Variants in IQSEC3 observed in about 807,000 individuals in gnomAD.
IQSEC3 encodes IQ motif and Sec7 domain ArfGEF 3, also known as IQ motif and SEC7 domain-containing protein 3.
Under a neutral mutation model 105.4 loss-of-function variants are expected in IQSEC3, and 50 were observed. The observed-to-expected ratio is 0.47, with a 90% CI of 0.38 to 0.60. The LOEUF (loss-of-function observed/expected upper bound fraction) is 0.60. Among genes scored for constraint, IQSEC3 ranks in the 20% least tolerant of loss-of-function variants. The probability of loss-of-function intolerance (pLI) is 0.00; values close to 1 mark genes in which losing one functional copy is unlikely to be tolerated. For missense variants in IQSEC3, 1,415 were observed against 1,630.0 expected (o/e 0.87, Z 2.27); for synonymous variants, 708 against 746.0 (o/e 0.95, Z 0.83).
Position 152,964 on chromosome 12 carries a change from G to A in IQSEC3, c.2154-4061G>A, listed in dbSNP as rs917423647. On this transcript the variant is annotated intron_variant, in intron 5 of 13. Transcript: ENST00000538872. This position sits in a 1 kb window ranked among gnomAD's most constrained non-coding sequence, Gnocchi z 4.8. ...GGGTGGAGGCTGCAGCATGGATTTG[G>A]TAAACTGCCCACACTCAGCTCCCCA... 9.2e-5 allele frequency among the ~76,000 whole-genome samples: 14 copies of A among 152,268 alleles called. No individual in the cohort carries two copies. The highest frequency in any genetic ancestry group is 2.9e-4 in the African/African-American group (12 of 41,538).
At chr12:171,579 G>C in intron 13 of IQSEC3, 1 of 574,088 alleles carries the variant, frequency 1.7e-6, no homozygotes, top group South Asian at 2.2e-5. Context: ...TCCATAGCGG[G>C]GAGCCTGGGC....
intron 5 of IQSEC3, among the ~76,000 whole-genome samples, chr12:156,097 C>T (rs1203584277): frequency 6.6e-6 from 1 of 152,162 alleles, no homozygotes; most frequent in African/African-American, 2.4e-5. Context: ...TGCAGAGTCC[C>T]CTGGATCGGG....
chr12:174,400 C>T (rs1939159947), intron 13 of IQSEC3, among the ~76,000 whole-genome samples, 199 bp from the exon 14 acceptor site: 1 of 152,124 alleles, frequency 6.6e-6, no homozygotes, highest in South Asian at 2.1e-4. Flanking sequence ...CAGAACATGC[C>T]AGCCTCTCGA....
At chr12:156,897 G>A (rs1188593281) in intron 5 of IQSEC3, 128 bp from the exon 6 acceptor site, 13 of 1,178,122 alleles carry the variant, frequency 1.1e-5, no homozygotes, top group East Asian at 3.1e-5. Flanking sequence ...ATTAAAGGGC[G>A]ACCCCCGGGG....
Position 138,667 on chromosome 12 carries a change from A to G in IQSEC3, c.1304A>G (p.Gln435Arg). ...TCCCTGCGGGAGAGTGGCGCTTACC[A>G]GCTCCACCAGGCCCTGCAGGCGGCC... ...MCSLRESGAY[Q>R]LHQALQAAAG... Residue 435 changes from glutamine (Q) to arginine (R), a missense_variant, in exon 4 of 14, where the codon CAG (glutamine) becomes CGG (arginine). Coordinates refer to ENST00000538872, the MANE Select transcript of IQSEC3 (RefSeq NM_001170738.2). This position sits in a 1 kb window ranked among gnomAD's most constrained non-coding sequence, Gnocchi z 7.1. 1.3e-6 allele frequency: 2 copies of G among 1,561,348 alleles called. No individual in the cohort carries two copies. The highest frequency in any genetic ancestry group is 1.7e-6 in the Non-Finnish European group (2 of 1,161,352).
At position 152,013 on chromosome 12, in the gene IQSEC3, G is replaced by C. The variant is rs552754887; in HGVS notation, c.2154-5012G>C. The stretch of plus-strand genomic sequence containing the variant: ...AGAACTCATCATGACTATAGGTAAA[G>C]AATTATTTTTGACTCTGTGTTCAAT... On this transcript the variant is annotated intron_variant, in intron 5 of 13. Coordinates refer to ENST00000538872, the MANE Select transcript of IQSEC3 (RefSeq NM_001170738.2). The surrounding 1 kb of genome is among the most constrained non-coding windows in gnomAD (Gnocchi z 4.8). 6.6e-6 allele frequency among the ~76,000 whole-genome samples: 1 copy of C among 152,206 alleles called. No individual in the cohort carries two copies. The highest frequency in any genetic ancestry group is 1.9e-4 in the East Asian group (1 of 5,172).
At chr12:109,806 T>C (rs1270488172) in intron 2 of IQSEC3, among the ~76,000 whole-genome samples, 1 of 152,226 alleles carries the variant, frequency 6.6e-6, no homozygotes, top group African/African-American at 2.4e-5. Context: ...CTTTGGTGTC[T>C]CTCTTTGATC....
intron 2 of IQSEC3, among the ~76,000 whole-genome samples, chr12:100,610 G>A (rs1864393523): frequency 6.6e-6 from 1 of 152,190 alleles, no homozygotes; most frequent in African/African-American, 2.4e-5. Context: ...CTGAGGGAGG[G>A]ATGGGAGTTA....
chr12:106,249 G>C (rs1396930394), intron 2 of IQSEC3, among the ~76,000 whole-genome samples: 1 of 152,228 alleles, frequency 6.6e-6, no homozygotes, highest in Admixed American at 6.5e-5. Flanking sequence ...TTTTGAACCA[G>C]GTGCTTGTCA....
intron 11 of IQSEC3, chr12:166,928 C>T (rs1938681673): frequency 2.0e-5 from 3 of 152,160 alleles, no homozygotes; most frequent in Non-Finnish European, 4.4e-5. Context: ...GTCCAGGTCG[C>T]GCATGTTAGA....
chr12:108,242 A>G (rs1359336412), intron 2 of IQSEC3, among the ~76,000 whole-genome samples: 1 of 152,120 alleles, frequency 6.6e-6, no homozygotes, highest in African/African-American at 2.4e-5. Context: ...AATTCTTTCT[A>G]CCTGCTATTT....
intron 12 of IQSEC3, 57 bp downstream of exon 12, chr12:169,162 G>A: frequency 6.9e-7 from 1 of 1,440,544 alleles, no homozygotes; most frequent in Non-Finnish European, 9.7e-7. Flanking sequence ...CGGGGACCCT[G>A]GGTGTGGGTC....
At chr12:118,825 G>A (rs577118722) in intron 2 of IQSEC3, among the ~76,000 whole-genome samples, 1 of 152,218 alleles carries the variant, frequency 6.6e-6, no homozygotes, top group Admixed American at 6.5e-5. Flanking sequence ...AGTTGCTCCT[G>A]TCCCCTTAGC....
intron 12 of IQSEC3, 134 bp downstream of exon 12, chr12:169,239 C>T: frequency 3.0e-6 from 2 of 676,246 alleles, no homozygotes; most frequent in Non-Finnish European, 5.0e-6. Flanking sequence ...GAGCGCCAGG[C>T]TTGCCTTCTT....
At chr12:71,177 T>C (rs1863301724) in intron 1 of IQSEC3, among the ~76,000 whole-genome samples, 2 of 152,406 alleles carry the variant, frequency 1.3e-5, no homozygotes, top group East Asian at 1.9e-4. Flanking sequence ...TCCTGATTTG[T>C]CTAAGATGCT....
At chr12:166,132 T>C in intron 11 of IQSEC3, 1 of 491,996 alleles carries the variant, frequency 2.0e-6, no homozygotes, top group Non-Finnish European at 3.6e-6. Flanking sequence ...AGCAGGCATG[T>C]GGGGCTGCGC....
rs1174357483 is a variant in IQSEC3, at chr12:152,924, A to G, written c.2154-4101A>G. ...TAAAGATGACCAATGAGGAGAGATG[A>G]CTCCAGGCCACCCTGGGTGGAGGCT... On this transcript the variant is annotated intron_variant, in intron 5 of 13. Transcript: ENST00000538872. The surrounding 1 kb of genome is among the most constrained non-coding windows in gnomAD (Gnocchi z 4.8). Among the ~76,000 whole-genome samples, 4 of 151,812 alleles carry G rather than the reference A, an allele frequency of 2.6e-5. No individual in the cohort carries two copies. The highest frequency in any genetic ancestry group is 5.9e-5 in the Non-Finnish European group (4 of 67,986).
intron 1 of IQSEC3, among the ~76,000 whole-genome samples, chr12:73,217 G>A (rs1439192950): frequency 1.3e-5 from 2 of 152,142 alleles, no homozygotes; most frequent in Non-Finnish European, 2.9e-5. Flanking sequence ...TGGGCTTTGG[G>A]CAAGCACGCC....
rs1409450032 is a variant in IQSEC3, at chr12:68,703, C to T, written c.554+1267C>T. ...GAAGTAGAGCTGAGAATCTCATCTTCATCCAGGTGCATTAAGTCTGGGAGA... is the reference window on the plus strand; with the variant it reads ...GAAGTAGAGCTGAGAATCTCATCTTTATCCAGGTGCATTAAGTCTGGGAGA... On this transcript the variant is annotated intron_variant, in intron 1 of 13. Transcript: ENST00000538872. 1.8e-4 allele frequency among the ~76,000 whole-genome samples: 28 copies of T among 152,374 alleles called. No individual in the cohort carries two copies. The South Asian group carries it at 5.2e-3, about 28-fold the overall frequency.
Sources: allele counts gnomAD v4.1 joint callset (sites outside exome capture counted in the v4.1 genomes callset), GRCh38; gene constraint gnomAD v4.1.1; non-coding constraint Gnocchi (gnomAD v3.1); transcripts MANE v1.5; gene names NCBI Gene and HGNC (gene_info 2026-07-23, HGNC 2026-07-21).